Variants in SPAG6 observed in about 807,000 individuals in gnomAD.
The protein encoded by SPAG6 is sperm associated antigen 6.
In SPAG6, 49 loss-of-function variants were observed where a neutral mutation model predicts 58.5. That is an observed-to-expected ratio of 0.84 (90% CI 0.67 to 1.06). The LOEUF is 1.06. Ranked by LOEUF, SPAG6 falls within the 50% of genes least tolerant of loss-of-function variation. SPAG6 has a pLI of 0.00. For synonymous variants in SPAG6, 233 were observed against 225.6 expected (o/e 1.03, Z -0.29); for missense variants, 560 against 611.3 (o/e 0.92, Z 0.89).
chr10:22,381,318 TCA>T (rs113048347), intron 4 of SPAG6, among the ~76,000 whole-genome samples: 5,200 of 151,244 alleles, frequency 0.034, 331 homozygotes, highest in African/African-American at 0.12. Context: ...CTATGTTGTC[TCA>T]CACAGTGTTC....
At chr10:22,384,615 G>A (rs1834027485) in intron 4 of SPAG6, among the ~76,000 whole-genome samples, 2 of 152,122 alleles carry the variant, frequency 1.3e-5, no homozygotes, top group African/African-American at 4.8e-5. Flanking sequence ...ATACATTTGG[G>A]GATGTAAACT....
chr10:22,409,955 T>C (rs1330957229), intron 9 of SPAG6, among the ~76,000 whole-genome samples: 3 of 152,232 alleles, frequency 2.0e-5, no homozygotes, highest in Non-Finnish European at 4.4e-5. Context: ...TCTGAAACTT[T>C]AAAGTTTGCC....
chr10:22,401,045 G>A, intron 8 of SPAG6, 116 bp from the exon 9 acceptor site: 1 of 641,888 alleles, frequency 1.6e-6, no homozygotes, highest in Non-Finnish European at 2.8e-6. Context: ...TGAAACAACT[G>A]CAGCTTAGAC....
intron 4 of SPAG6, among the ~76,000 whole-genome samples, chr10:22,371,873 C>T (rs1449148002): frequency 6.6e-6 from 1 of 151,730 alleles, no homozygotes; most frequent in Admixed American, 6.6e-5. Flanking sequence ...TTACAGACAG[C>T]CAAAGGGAAC....
chr10:22,405,074 G>T (rs1442373989), intron 9 of SPAG6, among the ~76,000 whole-genome samples: 3 of 152,130 alleles, frequency 2.0e-5, no homozygotes, highest in Non-Finnish European at 4.4e-5. Flanking sequence ...CAATCATGTC[G>T]TCTGCAAACA....
At position 22,401,195 on chromosome 10, in the gene SPAG6, G is replaced by A. The variant is rs371495493; in HGVS notation, c.1232G>A (p.Cys411Tyr). ...GCCATAAAGAATATCCTGCAAAAAT[G>A]TACCTACTTACCAGCCCTTGAACCA... ...KKAIKNILQK[C>Y]TYLPALEPFL... The change falls in exon 9 of 11, where the codon TGT becomes TAT. Residue 411 changes from cysteine (C) to tyrosine (Y), a missense_variant. Coordinates refer to ENST00000376624, the MANE Select transcript of SPAG6 (RefSeq NM_012443.4). The A allele has an allele frequency of 6.4e-5, 102 of 1,602,332 alleles. No homozygotes were observed. The highest frequency in any genetic ancestry group is 8.1e-5 in the Non-Finnish European group (95 of 1,169,728).
At chr10:22,411,418 G>C in intron 10 of SPAG6, 1 of 359,882 alleles carries the variant, frequency 2.8e-6, no homozygotes, top group Non-Finnish European at 5.0e-6. Flanking sequence ...TTTAACATGT[G>C]CTTTACTAAA....
At chr10:22,373,536 A>G (rs9971241) in intron 4 of SPAG6, among the ~76,000 whole-genome samples, 4,896 of 152,298 alleles carry the variant, frequency 0.032, 290 homozygotes, top group African/African-American at 0.11. Context: ...AAACCCAAAT[A>G]TTAATGACAA....
chr10:22,383,679 AGAG>A (rs1421716993), intron 4 of SPAG6, among the ~76,000 whole-genome samples: 1 of 152,000 alleles, frequency 6.6e-6, no homozygotes, highest in Non-Finnish European at 1.5e-5. Context: ...AAAGAAGAAA[AGAG>A]GAGAAGGAAG....
At chr10:22,360,319 T>G (rs762372268) in intron 2 of SPAG6, among the ~76,000 whole-genome samples, 7 of 151,686 alleles carry the variant, frequency 4.6e-5, no homozygotes, top group Non-Finnish European at 7.4e-5. Flanking sequence ...TGTTTTTGTT[T>G]GTTTTTTTTT....
intron 10 of SPAG6, among the ~76,000 whole-genome samples, chr10:22,411,920 C>T (rs1445256226): frequency 7.5e-6 from 1 of 132,740 alleles, no homozygotes; most frequent in Non-Finnish European, 1.5e-5. Flanking sequence ...GCGATTTCGG[C>T]TCACTGCAAG....
chr10:22,355,056 C>T (rs532068195), intron 2 of SPAG6, among the ~76,000 whole-genome samples: 3 of 151,012 alleles, frequency 2.0e-5, no homozygotes, highest in South Asian at 2.1e-4. Flanking sequence ...TGGTTTCATA[C>T]AGTAACAATG....
At chr10:22,386,620 G>C (rs1002518411) in intron 4 of SPAG6, 134 bp from the exon 5 acceptor site, 1 of 680,586 alleles carries the variant, frequency 1.5e-6, no homozygotes, top group Non-Finnish European at 2.6e-6. Context: ...CAGGAAGCCT[G>C]ATTTGAAATG....
chr10:22,349,000 TTTTTG>T (rs757463562), intron 2 of SPAG6, among the ~76,000 whole-genome samples: 33 of 152,186 alleles, frequency 2.2e-4, no homozygotes, highest in African/African-American at 6.7e-4. Context: ...ACCTGGCTAA[TTTTTG>T]TTTTGTTTTG....
At chr10:22,381,116 C>A (rs879265584) in intron 4 of SPAG6, among the ~76,000 whole-genome samples, 4 of 152,034 alleles carry the variant, frequency 2.6e-5, no homozygotes, top group Non-Finnish European at 5.9e-5. Flanking sequence ...TACGTAACCA[C>A]AATAGTGGTT....
At chr10:22,405,941 T>G (rs1343651530) in intron 9 of SPAG6, among the ~76,000 whole-genome samples, 7 of 152,246 alleles carry the variant, frequency 4.6e-5, no homozygotes, top group South Asian at 2.1e-4. Context: ...GTTTATAGTA[T>G]TCTCTGATGG....
chr10:22,373,224 C>T (rs1157584482), intron 4 of SPAG6, among the ~76,000 whole-genome samples: 3 of 152,030 alleles, frequency 2.0e-5, no homozygotes, highest in East Asian at 1.9e-4. Flanking sequence ...GTGGACGTGA[C>T]GGAAACATTG....
chr10:22,408,579 C>T (rs1370709539), intron 9 of SPAG6, among the ~76,000 whole-genome samples: 1 of 151,066 alleles, frequency 6.6e-6, no homozygotes, highest in East Asian at 2.0e-4. Context: ...GAGGTTACTG[C>T]TGTCTTTTTG....
intron 6 of SPAG6, 93 bp from the exon 7 acceptor site, chr10:22,389,066 GT>G (rs1834127807): frequency 1.0e-6 from 1 of 979,376 alleles, no homozygotes; most frequent in East Asian, 2.5e-5. Context: ...TTCACCAGTT[GT>G]TTTTAGGTTC....
Sources: allele counts gnomAD v4.1 joint callset (sites outside exome capture counted in the v4.1 genomes callset), GRCh38; gene constraint gnomAD v4.1.1; transcripts MANE v1.5; gene names NCBI Gene and HGNC (gene_info 2026-07-23, HGNC 2026-07-21).